Variants in SENP7 observed in about 807,000 individuals in gnomAD.
SENP7 encodes sentrin-specific protease 7.
A neutral mutation model predicts 141.2 loss-of-function variants in SENP7; 64 were observed. That is an observed-to-expected ratio of 0.45 (90% confidence interval 0.37 to 0.56). SENP7 has a LOEUF of 0.56. Among genes scored for constraint, SENP7 ranks in the 20% least tolerant of loss-of-function variants. The pLI, the probability that SENP7 is intolerant of heterozygous loss-of-function variation, is 0.00. For synonymous variants in SENP7, 382 were observed against 426.4 expected (o/e 0.90, Z 1.28); for missense variants, 1,025 against 1,212.2 (o/e 0.85, Z 2.29).
chr3:101,350,646 T>G (rs1226633205), intron 12 of SENP7, among the ~76,000 whole-genome samples: 3 of 151,998 alleles, frequency 2.0e-5, no homozygotes, highest in African/African-American at 7.2e-5. Flanking sequence ...TAAAATATCG[T>G]TTTTGATGTT....
At chr3:101,412,964 G>C (rs565030335) in intron 5 of SENP7, among the ~76,000 whole-genome samples, 2 of 152,128 alleles carry the variant, frequency 1.3e-5, no homozygotes, top group African/African-American at 4.8e-5. Context: ...AGATTGATTT[G>C]AACTGTCTTT....
intron 5 of SENP7, among the ~76,000 whole-genome samples, chr3:101,410,234 G>A (rs542759070): frequency 1.4e-4 from 22 of 152,146 alleles, no homozygotes; most frequent in Admixed American, 2.0e-4. Flanking sequence ...ACCACAGTGC[G>A]GTACCACCTT....
At chr3:101,411,914 GA>G (rs2107632848) in intron 5 of SENP7, among the ~76,000 whole-genome samples, 1 of 152,274 alleles carries the variant, frequency 6.6e-6, no homozygotes, top group African/African-American at 2.4e-5. Context: ...AGAGGTAGCA[GA>G]AAGTATACTG....
At chr3:101,460,955 T>G (rs1358169190) in intron 3 of SENP7, among the ~76,000 whole-genome samples, 1 of 151,210 alleles carries the variant, frequency 6.6e-6, no homozygotes, top group East Asian at 2.0e-4. Context: ...GGTATAGTAT[T>G]CAAAATTTAA....
chr3:101,358,431 T>C lies in SENP7; in HGVS notation c.1623+3284A>G, dbSNP rs1395170347. 7.5e-6 allele frequency: 3 copies of C among 400,290 alleles called. No homozygotes were observed. In the East Asian group the frequency reaches 1.8e-4, roughly 24 times the overall value. The allele number at this position is 400,290 out of a possible 1,614,324, so 24.8% of individuals were successfully genotyped here. ...ATACTGGAGAGAAACCCTATAAATG[T>C]GATGAATGTGGGAAAACCTTTAACC... On this transcript the variant is annotated intron_variant, in intron 11 of 23. Transcript: ENST00000394095.
Position 101,417,617 on chromosome 3 carries a change from C to T in SENP7, c.458G>A (p.Arg153His), listed in dbSNP as rs766434336. The change falls in exon 5 of 24, where the codon CGC becomes CAC. Residue 153 changes from arginine to histidine, a missense_variant. Coordinates refer to ENST00000394095, the MANE Select transcript of SENP7 (RefSeq NM_020654.5). ...LETCQKLEPLRQSLNLSERIP... is the reference protein window; with the variant it reads ...LETCQKLEPLHQSLNLSERIP... ...CCTTTCAGATAAATTAAGGCTTTGG[C>T]GAAGAGGTTCTAATTTTTGACATGT... is the stretch of plus-strand genomic sequence containing the variant. 9 of 1,613,642 alleles carry T rather than the reference C, an allele frequency of 5.6e-6. No individual in the cohort carries two copies. The highest frequency in any genetic ancestry group is 7.6e-6 in the Non-Finnish European group (9 of 1,179,646).
chr3:101,388,356 C>A (rs2060717841), intron 6 of SENP7, among the ~76,000 whole-genome samples: 1 of 152,148 alleles, frequency 6.6e-6, no homozygotes, highest in Non-Finnish European at 1.5e-5. Flanking sequence ...AAAACCTAAG[C>A]CACTGAGGAA....
At chr3:101,414,670 A>G in intron 5 of SENP7, 1 of 1,252,424 alleles carries the variant, frequency 8.0e-7, no homozygotes, top group South Asian at 1.3e-5. Flanking sequence ...TGAGGGCAAG[A>G]ATATATTTTT....
intron 6 of SENP7, among the ~76,000 whole-genome samples, chr3:101,378,718 G>A (rs2060409356): frequency 1.3e-5 from 2 of 151,904 alleles, no homozygotes; most frequent in Non-Finnish European, 2.9e-5. Context: ...GAACACCAAA[G>A]AGAATAAATG....
chr3:101,354,718 T>C (rs113341407), intron 11 of SENP7, among the ~76,000 whole-genome samples: 1,603 of 152,248 alleles, frequency 0.011, 23 homozygotes, highest in African/African-American at 0.036. Flanking sequence ...TATGTCTTTA[T>C]GGTAGAATGA....
At chr3:101,488,828 GA>G (rs1489890348) in intron 3 of SENP7, among the ~76,000 whole-genome samples, 2 of 152,160 alleles carry the variant, frequency 1.3e-5, no homozygotes, top group East Asian at 3.9e-4. Flanking sequence ...GCGACAGAGA[GA>G]GCCTTGCCTG....
At chr3:101,424,760 G>A (rs1306538238) in intron 4 of SENP7, among the ~76,000 whole-genome samples, 1 of 152,132 alleles carries the variant, frequency 6.6e-6, no homozygotes, top group Non-Finnish European at 1.5e-5. Context: ...CTCATATGAA[G>A]ACAGGCACCC....
At chr3:101,502,744 A>G (rs1321030161) in intron 1 of SENP7, among the ~76,000 whole-genome samples, 1 of 152,142 alleles carries the variant, frequency 6.6e-6, no homozygotes, top group East Asian at 1.9e-4. Flanking sequence ...GTGGGACCCC[A>G]TCTCTATAAA....
intron 14 of SENP7, among the ~76,000 whole-genome samples, chr3:101,342,103 C>T (rs970604808): frequency 6.6e-6 from 1 of 152,012 alleles, no homozygotes; most frequent in Non-Finnish European, 1.5e-5. Flanking sequence ...TAAGAGGCTA[C>T]ATTTATAATA....
intron 4 of SENP7, among the ~76,000 whole-genome samples, chr3:101,419,928 T>C (rs1375360529): frequency 1.3e-5 from 2 of 152,232 alleles, no homozygotes; most frequent in Non-Finnish European, 2.9e-5. Context: ...CAAGATAGGC[T>C]GATTAATATC....
intron 6 of SENP7, among the ~76,000 whole-genome samples, chr3:101,373,064 A>C (rs1205545604): frequency 6.6e-6 from 1 of 152,084 alleles, no homozygotes; most frequent in Non-Finnish European, 1.5e-5. Flanking sequence ...ATTATTTGGA[A>C]GGCTAAAAAT....
intron 16 of SENP7, 41 bp downstream of exon 16, chr3:101,340,054 A>G (rs1332902753): frequency 6.7e-7 from 1 of 1,496,662 alleles, no homozygotes; most frequent in Non-Finnish European, 8.9e-7. Flanking sequence ...TTTCTCAGTA[A>G]AATCTGTAAA....
chr3:101,460,762 C>A (rs1228930791), intron 3 of SENP7, among the ~76,000 whole-genome samples: 2 of 152,024 alleles, frequency 1.3e-5, no homozygotes, highest in African/African-American at 4.8e-5. Flanking sequence ...ACCAACCCAC[C>A]AAATGGGAGG....
chr3:101,358,145 G>A, intron 11 of SENP7: 2 of 523,308 alleles, frequency 3.8e-6, no homozygotes, highest in Non-Finnish European at 6.7e-6. Flanking sequence ...CTAAACATAA[G>A]ATAATTCATA....
Sources: allele counts gnomAD v4.1 joint callset (sites outside exome capture counted in the v4.1 genomes callset), GRCh38; gene constraint gnomAD v4.1.1; transcripts MANE v1.5; gene names NCBI Gene and HGNC (gene_info 2026-07-23, HGNC 2026-07-21).